The following CSMD1 variants were observed in gnomAD, a reference collection of about 807,000 sequenced individuals.
The protein encoded by CSMD1 is CUB and Sushi multiple domains 1.
In CSMD1, 213 loss-of-function variants were observed where a neutral mutation model predicts 417.5. The ratio of observed to expected loss-of-function variants is 0.51; its 90% CI spans 0.46 to 0.57. The LOEUF is 0.57. Among genes scored for constraint, CSMD1 ranks in the 20% least tolerant of loss-of-function variants. CSMD1 has a pLI of 0.00. For synonymous variants in CSMD1, 2,862 were observed against 1,736.8 expected (o/e 1.65, Z -16.11); for missense variants, 6,923 against 4,529.7 (o/e 1.53, Z -15.17).
At chr8:3,927,372 CAG>C (rs1388548376) in intron 5 of CSMD1, among the ~76,000 whole-genome samples, 2 of 151,804 alleles carry the variant, frequency 1.3e-5, no homozygotes, top group African/African-American at 2.4e-5. Context: ...CACTGTATAA[CAG>C]AAAACAATAC....
At chr8:4,938,754 G>A (rs780066762) in intron 1 of CSMD1, among the ~76,000 whole-genome samples, 1 of 152,186 alleles carries the variant, frequency 6.6e-6, no homozygotes, top group Non-Finnish European at 1.5e-5. Flanking sequence ...AGGTTAAAAA[G>A]TGTGTGGCCT....
At chr8:3,671,649 C>T (rs1799074275) in intron 7 of CSMD1, among the ~76,000 whole-genome samples, 1 of 148,312 alleles carries the variant, frequency 6.7e-6, no homozygotes, top group Non-Finnish European at 1.5e-5. Context: ...ATTTAGGCTT[C>T]ACAAGCCTCT....
intron 5 of CSMD1, among the ~76,000 whole-genome samples, chr8:3,762,570 T>C (rs1036442618): frequency 3.3e-5 from 5 of 152,238 alleles, no homozygotes; most frequent in Non-Finnish European, 7.3e-5. Flanking sequence ...CCATTTGGTA[T>C]CACAGCCATG....
chr8:4,064,880 T>C (rs1338770617), intron 3 of CSMD1, among the ~76,000 whole-genome samples: 1 of 152,098 alleles, frequency 6.6e-6, no homozygotes, highest in African/African-American at 2.4e-5. Flanking sequence ...TGTATCTACA[T>C]GGGTTTCCTC....
intron 2 of CSMD1, among the ~76,000 whole-genome samples, chr8:4,461,851 C>A (rs1799850003): frequency 1.3e-5 from 2 of 151,570 alleles, no homozygotes; most frequent in South Asian, 4.2e-4. Flanking sequence ...CGCCATTCTC[C>A]TGCCTCAGCC....
intron 5 of CSMD1, among the ~76,000 whole-genome samples, chr8:3,820,129 C>T (rs1271424827): frequency 1.3e-5 from 2 of 152,196 alleles, no homozygotes; most frequent in South Asian, 4.1e-4. Context: ...GCAGTATGAT[C>T]TTGACCCTGG....
chr8:4,144,534 T>A (rs1338677832), intron 3 of CSMD1, among the ~76,000 whole-genome samples: 1 of 151,008 alleles, frequency 6.6e-6, no homozygotes, highest in African/African-American at 2.5e-5. Flanking sequence ...ACCCCTTCCC[T>A]CCAGAATCTG....
chr8:3,313,192 T>G (rs1208257850), intron 23 of CSMD1, among the ~76,000 whole-genome samples: 1 of 152,110 alleles, frequency 6.6e-6, no homozygotes, highest in Non-Finnish European at 1.5e-5. Context: ...GCAATACCAT[T>G]CAGGACATAG....
intron 26 of CSMD1, among the ~76,000 whole-genome samples, chr8:3,263,571 G>A (rs1479889386): frequency 1.3e-5 from 2 of 152,046 alleles, no homozygotes; most frequent in African/African-American, 4.8e-5. Context: ...AGTAATTTTT[G>A]AAATTTCTTA....
intron 3 of CSMD1, among the ~76,000 whole-genome samples, chr8:4,206,967 T>C (rs1181924517): frequency 1.3e-5 from 2 of 152,340 alleles, no homozygotes; most frequent in East Asian, 1.9e-4. Flanking sequence ...TTCATATAGA[T>C]GTGGATAAAA....
intron 2 of CSMD1, among the ~76,000 whole-genome samples, chr8:4,520,596 C>T (rs1341369593): frequency 2.6e-5 from 4 of 152,080 alleles, no homozygotes; most frequent in South Asian, 2.1e-4. Context: ...TGGGGGCGAA[C>T]GCAGAGCCAA....
intron 2 of CSMD1, among the ~76,000 whole-genome samples, chr8:4,566,245 A>T (rs1385236202): frequency 1.3e-5 from 2 of 152,256 alleles, no homozygotes; most frequent in East Asian, 1.9e-4. Context: ...TGAAAATTTC[A>T]CTAAAACACT....
At chr8:3,344,719 GATTA>G (rs1563292998) in intron 22 of CSMD1, among the ~76,000 whole-genome samples, 1 of 152,108 alleles carries the variant, frequency 6.6e-6, no homozygotes, top group African/African-American at 2.4e-5. Context: ...TCTTTATACA[GATTA>G]ATTTTTCTTT....
intron 5 of CSMD1, among the ~76,000 whole-genome samples, chr8:3,777,467 G>C (rs980671774): frequency 1.3e-5 from 2 of 152,126 alleles, no homozygotes; most frequent in African/African-American, 2.4e-5. Context: ...TGCTCATTCT[G>C]GTGTCCTGCT....
At chr8:4,592,011 G>A (rs1043848732) in intron 2 of CSMD1, among the ~76,000 whole-genome samples, 5 of 152,122 alleles carry the variant, frequency 3.3e-5, no homozygotes, top group African/African-American at 1.2e-4. Flanking sequence ...CATGCAATGC[G>A]GCCAGGATGG....
intron 1 of CSMD1, among the ~76,000 whole-genome samples, chr8:4,979,700 C>G (rs1197001622): frequency 6.6e-6 from 1 of 152,162 alleles, no homozygotes; most frequent in Non-Finnish European, 1.5e-5. Flanking sequence ...ATTAAATATT[C>G]TGTAGTGACA....
chr8:3,523,746 TACACATGCACAC>T (rs1165805539), intron 10 of CSMD1, among the ~76,000 whole-genome samples: 120 of 137,672 alleles, frequency 8.7e-4, no homozygotes, highest in African/African-American at 3.3e-3. Context: ...GACACATGCA[TACACATGCACAC>T]ACACATGCAC....
intron 7 of CSMD1, among the ~76,000 whole-genome samples, chr8:3,628,462 A>G (rs932602850): frequency 1.3e-5 from 2 of 152,252 alleles, no homozygotes; most frequent in African/African-American, 2.4e-5. Context: ...GAATTATTTT[A>G]AAAAATCCTT....
At chr8:4,387,318 A>G (rs1398821445) in intron 3 of CSMD1, among the ~76,000 whole-genome samples, 1 of 152,058 alleles carries the variant, frequency 6.6e-6, no homozygotes, top group African/African-American at 2.4e-5. Flanking sequence ...AATTCCTGAA[A>G]CAATTTACCG....
Sources: allele counts gnomAD v4.1 joint callset (sites outside exome capture counted in the v4.1 genomes callset), GRCh38; gene constraint gnomAD v4.1.1; transcripts MANE v1.5; gene names NCBI Gene and HGNC (gene_info 2026-07-23, HGNC 2026-07-21).